ABCA9: variants seen among roughly 807,000 people sequenced by gnomAD.
ABCA9 encodes the protein ATP binding cassette subfamily A member 9.
In ABCA9, 183 loss-of-function variants were observed where a neutral mutation model predicts 205.3. The observed-to-expected ratio is 0.89, with a 90% confidence interval of 0.79 to 1.01. The LOEUF (loss-of-function observed/expected upper bound fraction) is 1.01. Ranked by LOEUF, ABCA9 falls within the 50% of genes least tolerant of loss-of-function variation. The pLI, the probability that ABCA9 is intolerant of heterozygous loss-of-function variation, is 0.00. For synonymous variants in ABCA9, 651 were observed against 683.3 expected, an observed-to-expected ratio of 0.95 and a Z score of 0.74; for missense variants, 1,805 against 1,912.4, an observed-to-expected ratio of 0.94 and a Z score of 1.05.
chr17:69,071,292 A>G, the ABCA9 span, among the ~76,000 whole-genome samples: 9 of 152,182 alleles, frequency 5.9e-5, no homozygotes, highest in African/African-American at 2.2e-4. Context: ...GTGCCTTCTG[A>G]CAGAGAGACA....
intron 26 of ABCA9, among the ~76,000 whole-genome samples, chr17:68,995,459 T>G (rs1278866874): frequency 3.3e-5 from 5 of 152,204 alleles, no homozygotes; most frequent in African/African-American, 1.2e-4. Flanking sequence ...GTCGCATGGC[T>G]TTTCATACCA....
At chr17:69,069,268 A>G in the ABCA9 span, among the ~76,000 whole-genome samples, 1 of 152,222 alleles carries the variant, frequency 6.6e-6, no homozygotes, top group Non-Finnish European at 1.5e-5. Flanking sequence ...TGGAGCAGAA[A>G]TCACTAGAGC....
intron 23 of ABCA9, among the ~76,000 whole-genome samples, chr17:69,011,195 A>G (rs1171718644): frequency 2.0e-5 from 3 of 152,204 alleles, no homozygotes; most frequent in Non-Finnish European, 4.4e-5. Flanking sequence ...GATCAAAATG[A>G]GGCATAGAGT....
In ABCA9 at chr17:68,980,058, A is replaced by T. The variant is rs1257575169; in HGVS notation, c.4720+2504T>A. 2.0e-5 allele frequency among the ~76,000 whole-genome samples: 3 copies of T among 152,350 alleles called. No individual in the cohort carries two copies. In the East Asian group the frequency reaches 5.8e-4, roughly 29 times the overall value. The stretch of plus-strand genomic sequence containing the variant: ...CATCTGACAAAGGACTAATATCCAG[A>T]ATCTACAATGAACTCAAACAAATTT... On this transcript the variant is annotated intron_variant, in intron 37 of 38. Transcript: ENST00000340001.
intron 21 of ABCA9, among the ~76,000 whole-genome samples, chr17:69,016,660 A>T (rs2070627036): frequency 6.6e-6 from 1 of 152,162 alleles, no homozygotes; most frequent in Admixed American, 6.6e-5. Context: ...GATATTTAGC[A>T]GCAACACTAC....
chr17:69,009,103 G>A (rs1483909295), intron 23 of ABCA9, among the ~76,000 whole-genome samples: 2 of 152,042 alleles, frequency 1.3e-5, no homozygotes, highest in Admixed American at 6.5e-5. Context: ...AATGTATACC[G>A]TATGGCTGGC....
chr17:69,024,664 C>G (rs1176839883), intron 16 of ABCA9, among the ~76,000 whole-genome samples: 1 of 152,104 alleles, frequency 6.6e-6, no homozygotes, highest in Non-Finnish European at 1.5e-5. Context: ...AATTTGTCAG[C>G]ATCTACTCAA....
At chr17:69,035,455 CTGG>C in intron 7 of ABCA9, 24 bp from the exon 8 acceptor site, 1 of 1,544,580 alleles carries the variant, frequency 6.5e-7, no homozygotes, top group Non-Finnish European at 8.7e-7. Context: ...AAGACTTCAG[CTGG>C]TATATAATTC....
intron 25 of ABCA9, among the ~76,000 whole-genome samples, chr17:69,004,507 T>G (rs371102588): frequency 6.6e-6 from 1 of 152,312 alleles, no homozygotes; most frequent in African/African-American, 2.4e-5. Context: ...AACCACTGCT[T>G]TCTTCAAAGC....
At chr17:69,045,456 T>A in intron 3 of ABCA9, 120 bp from the exon 4 acceptor site, 1 of 183,106 alleles carries the variant, frequency 5.5e-6, no homozygotes, top group Non-Finnish European at 8.9e-6. Context: ...GTGCTGGGCC[T>A]AAATAAGACA....
At chr17:69,027,306 A>G in intron 14 of ABCA9, 24 bp downstream of exon 14, 1 of 1,609,266 alleles carries the variant, frequency 6.2e-7, no homozygotes, top group Non-Finnish European at 8.5e-7. Context: ...ATCTGATTTC[A>G]CCAGTAATTT....
At chr17:69,050,794 T>C (rs2144506436) in intron 2 of ABCA9, among the ~76,000 whole-genome samples, 1 of 152,234 alleles carries the variant, frequency 6.6e-6, no homozygotes, top group Non-Finnish European at 1.5e-5. Context: ...AGTTTCTGAA[T>C]ATGAATTTTT....
At chr17:68,979,362 G>A (rs565648584) in intron 37 of ABCA9, among the ~76,000 whole-genome samples, 2 of 152,290 alleles carry the variant, frequency 1.3e-5, no homozygotes, top group Non-Finnish European at 2.9e-5. Context: ...TACTGCCCAA[G>A]GTAATTTATA....
At chr17:68,982,056 C>T (rs766164656) in intron 37 of ABCA9, among the ~76,000 whole-genome samples, 13 of 152,224 alleles carry the variant, frequency 8.5e-5, no homozygotes, top group South Asian at 2.1e-4. Flanking sequence ...CAGATTAACA[C>T]ACCTAAACAG....
intron 17 of ABCA9, 45 bp downstream of exon 17, chr17:69,024,166 TTAA>T (rs1210401490): frequency 1.3e-6 from 2 of 1,589,590 alleles, no homozygotes. Context: ...ACTGTTATTG[TTAA>T]TAACACCATT....
At position 69,020,519 on chromosome 17, in the gene ABCA9, T is replaced by C; in HGVS notation, c.2469A>G (p.Glu823=). Residue 823 remains glutamate (E), a synonymous_variant, in exon 19 of 39, where the codon GAA becomes GAG. Transcript: ENST00000340001. ...AKDIGSLVEL[E]QVLSSFHETR... is the part of the protein sequence containing the mutation. ...TTTCGTGGAAGGAAGACAAAACTTG[T>C]TCCAGCTCAACAAGGCTTCCTATAT... is the stretch of plus-strand genomic sequence containing the variant. 1 of 1,614,138 alleles carries C rather than the reference T, an allele frequency of 6.2e-7. No individual in the cohort carries two copies.
At chr17:69,062,478 A>C (rs2072281789), upstream of ABCA9, among the ~76,000 whole-genome samples, 1 of 151,712 alleles carries the variant, frequency 6.6e-6, no homozygotes, top group South Asian at 2.1e-4. Flanking sequence ...TCTTTTTAAT[A>C]TTTTCTAGAT....
chr17:68,980,706 T>C (rs150565342), intron 37 of ABCA9, among the ~76,000 whole-genome samples: 2,059 of 134,180 alleles, frequency 0.015, 17 homozygotes, highest in Non-Finnish European at 0.022. Flanking sequence ...TAGGTGAGAA[T>C]TGAACAATGA....
At chr17:69,076,784 T>C in the ABCA9 span, among the ~76,000 whole-genome samples, 1 of 152,194 alleles carries the variant, frequency 6.6e-6, no homozygotes, top group Non-Finnish European at 1.5e-5. Flanking sequence ...CTAGATTTTC[T>C]AGTTTGTGTG....
Sources: gnomAD v4.1 joint callset for allele counts (sites outside exome capture counted in the v4.1 genomes callset) on GRCh38, gnomAD v4.1.1 for gene constraint, MANE v1.5 for transcripts, NCBI Gene and HGNC (gene_info 2026-07-23, HGNC 2026-07-21) for gene names.